SHISA9: variants seen among roughly 807,000 people sequenced by gnomAD.
SHISA9 encodes the protein shisa family member 9.
SHISA9 carries 13 observed loss-of-function variants against 38.0 expected under a neutral mutation model. The ratio of observed to expected loss-of-function variants is 0.34; its 90% CI spans 0.22 to 0.54. The LOEUF (loss-of-function observed/expected upper bound fraction) is 0.54, where lower values mean the gene tolerates loss of function less well. SHISA9 is among the 20% of genes least tolerant of loss of function. The pLI, the probability that SHISA9 is intolerant of heterozygous loss-of-function variation, is 0.91. For synonymous variants in SHISA9, 275 were observed against 242.0 expected (o/e 1.14, Z -1.27); for missense variants, 538 against 575.8 (o/e 0.93, Z 0.67).
At chr16:12,920,029 G>A (rs1333275531) in intron 2 of SHISA9, among the ~76,000 whole-genome samples, 1 of 152,202 alleles carries the variant, frequency 6.6e-6, no homozygotes, top group Non-Finnish European at 1.5e-5. Flanking sequence ...CCCTTTCGGG[G>A]TTCAGGCTGC....
the SHISA9 span, among the ~76,000 whole-genome samples, chr16:13,529,602 TTG>T: frequency 3.9e-5 from 6 of 152,232 alleles, no homozygotes; most frequent in Non-Finnish European, 7.3e-5. Context: ...CTACTTTGGT[TTG>T]TGTTTTCCCT....
rs796123971 is a variant in SHISA9, at chr16:13,004,951, A to G, written c.691+88136A>G. On this transcript the variant is annotated intron_variant, in intron 2 of 4. Transcript: ENST00000558583. Reference sequence around the variant, plus strand: ...CCATCTCTTAAGAAAAAGAAAAAAAAAAAAAAAGAAAAAAAGAAAGAAAGA... The same window carrying G: ...CCATCTCTTAAGAAAAAGAAAAAAAGAAAAAAAGAAAAAAAGAAAGAAAGA... Among the ~76,000 whole-genome samples, 18 of 82,174 alleles carry G rather than the reference A, an allele frequency of 2.2e-4. No individual in the cohort carries two copies. The East Asian group carries it at 3.8e-3, about 17-fold the overall frequency. 53.9% of individuals were successfully genotyped at this position (82,174 alleles called of 152,430 possible).
the SHISA9 span, among the ~76,000 whole-genome samples, chr16:13,470,879 C>T: frequency 1.1e-3 from 160 of 151,986 alleles, 1 homozygote; most frequent in African/African-American, 3.7e-3. Flanking sequence ...GTTTTCTTGC[C>T]CCCAAAATGA....
the SHISA9 span, among the ~76,000 whole-genome samples, chr16:13,352,595 G>C: frequency 2.0e-5 from 3 of 151,790 alleles, no homozygotes; most frequent in Non-Finnish European, 4.4e-5. Flanking sequence ...ATGCGCGTCC[G>C]TGTGAAGAGA....
the SHISA9 span, among the ~76,000 whole-genome samples, chr16:13,353,533 G>C: frequency 2.0e-5 from 3 of 151,700 alleles, no homozygotes; most frequent in Non-Finnish European, 4.4e-5. Flanking sequence ...GAGTAGTTGA[G>C]ATCGGTAAAT....
chr16:13,169,704 G>A (rs2142019878), intron 2 of SHISA9, among the ~76,000 whole-genome samples: 2 of 152,304 alleles, frequency 1.3e-5, no homozygotes, highest in Middle Eastern at 3.4e-3. Flanking sequence ...AGAAGTCAGA[G>A]AGCAATGCCG....
the SHISA9 span, among the ~76,000 whole-genome samples, chr16:13,477,329 G>A: frequency 6.6e-6 from 1 of 152,168 alleles, no homozygotes; most frequent in African/African-American, 2.4e-5. Flanking sequence ...AAAGTTATTA[G>A]AAAAGCTCTC....
the SHISA9 span, among the ~76,000 whole-genome samples, chr16:13,330,171 G>A: frequency 6.6e-6 from 1 of 152,300 alleles, no homozygotes; most frequent in Admixed American, 6.5e-5. Flanking sequence ...CAAGTTCATC[G>A]ACTTTCTGTT....
the SHISA9 span, among the ~76,000 whole-genome samples, chr16:13,485,029 C>A: frequency 1.4e-5 from 2 of 146,566 alleles, no homozygotes; most frequent in Non-Finnish European, 3.0e-5. Context: ...GCCTCTTGTT[C>A]TTTTTTTTTT....
chr16:13,016,716 T>C (rs565959987), intron 2 of SHISA9, among the ~76,000 whole-genome samples: 12 of 152,244 alleles, frequency 7.9e-5, no homozygotes, highest in Non-Finnish European at 1.8e-4. Flanking sequence ...TATATTTACA[T>C]GTAAAATTTT....
chr16:13,089,443 G>C (rs1466351852), intron 2 of SHISA9, among the ~76,000 whole-genome samples: 3 of 152,026 alleles, frequency 2.0e-5, no homozygotes, highest in Non-Finnish European at 4.4e-5. Flanking sequence ...GACTTTTTTT[G>C]GTTGGTAGGC....
chr16:13,362,890 T>C, the SHISA9 span, among the ~76,000 whole-genome samples: 27 of 152,336 alleles, frequency 1.8e-4, no homozygotes, highest in South Asian at 4.8e-3. Context: ...CCAAGTGACT[T>C]CTCAAGGGAT....
At chr16:13,452,013 T>C in the SHISA9 span, among the ~76,000 whole-genome samples, 1 of 152,172 alleles carries the variant, frequency 6.6e-6, no homozygotes, top group African/African-American at 2.4e-5. Flanking sequence ...ACCCTTTGTT[T>C]CATCAAGTTA....
chr16:13,006,678 G>A (rs1367806890), intron 2 of SHISA9, among the ~76,000 whole-genome samples: 1 of 152,182 alleles, frequency 6.6e-6, no homozygotes, highest in Admixed American at 6.5e-5. Context: ...ATTAGACATT[G>A]TGACAACAAG....
chr16:12,929,958 T>G (rs2071442219), intron 2 of SHISA9, among the ~76,000 whole-genome samples: 2 of 152,174 alleles, frequency 1.3e-5, no homozygotes, highest in Non-Finnish European at 2.9e-5. Context: ...GTTATCTTTT[T>G]GGGGGGCCTT....
At chr16:13,224,061 C>A (rs923291044) in intron 4 of SHISA9, among the ~76,000 whole-genome samples, 4 of 152,180 alleles carry the variant, frequency 2.6e-5, no homozygotes, top group African/African-American at 9.7e-5. Context: ...ACACCTACCT[C>A]ATTAGGATGT....
At chr16:13,010,779 C>G (rs535580880) in intron 2 of SHISA9, among the ~76,000 whole-genome samples, 55 of 152,226 alleles carry the variant, frequency 3.6e-4, no homozygotes, top group African/African-American at 1.3e-3. Context: ...TGGTGAAACC[C>G]CGTCTCTACT....
the SHISA9 span, among the ~76,000 whole-genome samples, chr16:13,366,468 G>T: frequency 6.6e-6 from 1 of 152,162 alleles, no homozygotes; most frequent in Admixed American, 6.5e-5. Context: ...TAGATCTAGG[G>T]ATACTGAGAT....
chr16:13,068,282 C>T (rs1392353365), intron 2 of SHISA9, among the ~76,000 whole-genome samples: 1 of 152,174 alleles, frequency 6.6e-6, no homozygotes, highest in African/African-American at 2.4e-5. Flanking sequence ...TTTCTCGACC[C>T]ATAAAATGAG....
Sources: allele counts gnomAD v4.1 joint callset (sites outside exome capture counted in the v4.1 genomes callset), GRCh38; gene constraint gnomAD v4.1.1; transcripts MANE v1.5; gene names NCBI Gene and HGNC (gene_info 2026-07-23, HGNC 2026-07-21).